Variants in MAML2 observed in about 807,000 individuals in gnomAD.
The protein encoded by MAML2 is mastermind-like protein 2.
A neutral mutation model predicts 96.1 loss-of-function variants in MAML2; 22 were observed. That is an observed-to-expected ratio of 0.23 (90% CI 0.16 to 0.33). MAML2 has a LOEUF of 0.33. Ranked by LOEUF, MAML2 falls within the 10% of genes least tolerant of loss-of-function variation. The probability of loss-of-function intolerance (pLI) is 1.00; values close to 1 mark genes in which losing one functional copy is unlikely to be tolerated. For missense variants in MAML2, 1,367 were observed against 1,392.4 expected, an observed-to-expected ratio of 0.98 and a Z score of 0.29; for synonymous variants, 561 against 521.3, an observed-to-expected ratio of 1.08 and a Z score of -1.04.
In MAML2 at chr11:96,342,635, C is replaced by A. The variant is rs759457788; in HGVS notation, c.-740G>T. Reference sequence around the variant, plus strand: ...GTCTTCTCCCAAAAGAGGGAGACAGCTTTTCAACTGTTAACAATGTCAGTA... The same window carrying A: ...GTCTTCTCCCAAAAGAGGGAGACAGATTTTCAACTGTTAACAATGTCAGTA... On this transcript the variant is annotated 5_prime_UTR_variant, in exon 1 of 5. Transcript: ENST00000524717. The A allele has an allele frequency of 1.2e-4, 48 of 387,190 alleles. No individual in the cohort carries two copies. Among genetic ancestry groups the A allele is most frequent in the Non-Finnish European group, 2.0e-4 (44 of 219,504 alleles). 24.0% of individuals were successfully genotyped at this position (387,190 alleles called of 1,614,324 possible). A position where few individuals can be genotyped will look rare whatever the true frequency, so the allele number is the denominator to read the frequency against.
In MAML2 at chr11:95,984,574, G is replaced by A. The variant is rs958380279; in HGVS notation, c.2455+957C>T. On this transcript the variant is annotated intron_variant, in intron 4 of 4. Coordinates refer to ENST00000524717, the MANE Select transcript of MAML2 (RefSeq NM_032427.4). ...AATAGCTGGGACTACAGGCACGTGC[G>A]ACTGAGCCCAGCTCCATTCTCAATT... Among the ~76,000 whole-genome samples, 8 of 152,140 alleles carry A rather than the reference G, an allele frequency of 5.3e-5. No homozygotes were observed. In the East Asian group the frequency reaches 9.6e-4, roughly 18 times the overall value.
chr11:96,128,047 G>A (rs1860479668), intron 1 of MAML2, among the ~76,000 whole-genome samples: 1 of 152,146 alleles, frequency 6.6e-6, no homozygotes, highest in Admixed American at 6.5e-5. Context: ...GATTCAGCAG[G>A]TACAGGATGC....
Position 96,092,877 on chromosome 11 carries a change from G to A in MAML2, c.1154C>T (p.Pro385Leu), listed in dbSNP as rs200175200. The stretch of plus-strand genomic sequence containing the variant: ...CATGGAGAATGCGGGGCCAGCTGAT[G>A]GGGGCCTCAGCTGAGGAGAGCCTGA... ...GPSGSPQLRPPSAGPAFSMAN... is the reference protein window; with the variant it reads ...GPSGSPQLRPLSAGPAFSMAN... The change falls in exon 2 of 5, where the codon CCA (proline) becomes CTA (leucine). Residue 385 changes from proline to leucine, a missense_variant. Coordinates refer to ENST00000524717, the MANE Select transcript of MAML2 (RefSeq NM_032427.4). This position sits in a 1 kb window ranked among gnomAD's most constrained non-coding sequence, Gnocchi z 4.1. 1.5e-4 allele frequency: 236 copies of A among 1,605,448 alleles called. No individual in the cohort carries two copies. The highest frequency in any genetic ancestry group is 4.5e-5 in the South Asian group (4 of 89,392).
At chr11:96,263,040 T>A (rs1349807907) in intron 1 of MAML2, among the ~76,000 whole-genome samples, 2 of 152,240 alleles carry the variant, frequency 1.3e-5, no homozygotes, top group Non-Finnish European at 2.9e-5. Flanking sequence ...GTTCAGGAAT[T>A]TCTACTCCAG....
intron 2 of MAML2, among the ~76,000 whole-genome samples, chr11:96,030,700 C>T (rs1858599382): frequency 6.6e-6 from 1 of 152,104 alleles, no homozygotes; most frequent in Non-Finnish European, 1.5e-5. Context: ...TGACCCAGTT[C>T]CAGAGGAAGG....
intron 2 of MAML2, among the ~76,000 whole-genome samples, chr11:96,075,894 T>C (rs893681590): frequency 6.6e-6 from 1 of 152,248 alleles, no homozygotes; most frequent in African/African-American, 2.4e-5. Flanking sequence ...ATATTGATTG[T>C]ATGCTAATAC....
chr11:96,145,970 C>G (rs1217597361), intron 1 of MAML2, among the ~76,000 whole-genome samples: 3 of 152,086 alleles, frequency 2.0e-5, no homozygotes, highest in African/African-American at 7.2e-5. Flanking sequence ...GATCATGCCA[C>G]CTCACTCCAG....
intron 1 of MAML2, among the ~76,000 whole-genome samples, chr11:96,171,254 C>T (rs536568384): frequency 1.3e-3 from 193 of 152,154 alleles, no homozygotes; most frequent in East Asian, 3.1e-3. Flanking sequence ...TCATTGTCTG[C>T]GATTATTATC....
chr11:96,039,829 G>T (rs1296304981), intron 2 of MAML2, among the ~76,000 whole-genome samples: 2 of 151,712 alleles, frequency 1.3e-5, no homozygotes, highest in Admixed American at 1.3e-4. Context: ...GTAGTGGCGG[G>T]TGCCTGTAGT....
At chr11:96,030,089 C>G (rs934315761) in intron 2 of MAML2, among the ~76,000 whole-genome samples, 1 of 151,906 alleles carries the variant, frequency 6.6e-6, no homozygotes, top group African/African-American at 2.4e-5. Context: ...AAAAATTAGC[C>G]GGGCGTGGTA....
chr11:96,026,931 G>A (rs1391986853), intron 2 of MAML2, among the ~76,000 whole-genome samples: 1 of 151,724 alleles, frequency 6.6e-6, no homozygotes, highest in Non-Finnish European at 1.5e-5. Context: ...TCACTATATT[G>A]CTAACACCTA....
intron 1 of MAML2, among the ~76,000 whole-genome samples, chr11:96,291,293 T>G (rs1863206544): frequency 6.6e-6 from 1 of 151,804 alleles, no homozygotes; most frequent in Non-Finnish European, 1.5e-5. Context: ...ACCCGGCTAA[T>G]TTTTGTATTT....
chr11:96,080,097 A>C (rs1278033510), intron 2 of MAML2, among the ~76,000 whole-genome samples: 2 of 152,224 alleles, frequency 1.3e-5, no homozygotes, highest in Non-Finnish European at 2.9e-5. Context: ...CTCAGCAGTA[A>C]ATACTATTTA....
intron 1 of MAML2, among the ~76,000 whole-genome samples, chr11:96,250,962 T>C (rs1442098258): frequency 6.6e-6 from 1 of 152,150 alleles, no homozygotes; most frequent in African/African-American, 2.4e-5. Context: ...AAGTATCCCT[T>C]AGGACATTGG....
intron 1 of MAML2, among the ~76,000 whole-genome samples, chr11:96,158,238 G>A (rs973141077): frequency 1.3e-5 from 2 of 152,198 alleles, no homozygotes; most frequent in African/African-American, 4.8e-5. Context: ...AGATGAAAGA[G>A]TCCTAATTCT....
At chr11:96,330,056 G>A (rs998764559) in intron 1 of MAML2, among the ~76,000 whole-genome samples, 1 of 152,164 alleles carries the variant, frequency 6.6e-6, no homozygotes, top group Non-Finnish European at 1.5e-5. Flanking sequence ...TATTTTAAGG[G>A]TAGACTACTG....
intron 1 of MAML2, among the ~76,000 whole-genome samples, chr11:96,219,035 G>A (rs566880247): frequency 2.0e-5 from 3 of 152,286 alleles, no homozygotes; most frequent in East Asian, 3.9e-4. Flanking sequence ...TGCAAAAGTG[G>A]AGACTGTCCC....
At chr11:96,267,446 G>GAAAAAC (rs1269867365) in intron 1 of MAML2, among the ~76,000 whole-genome samples, 1 of 152,094 alleles carries the variant, frequency 6.6e-6, no homozygotes, top group Non-Finnish European at 1.5e-5. Flanking sequence ...AAAGCATCAG[G>GAAAAAC]AAAAACAAAA....
chr11:96,222,587 A>C (rs1333555135), intron 1 of MAML2, among the ~76,000 whole-genome samples: 2 of 152,208 alleles, frequency 1.3e-5, no homozygotes, highest in Non-Finnish European at 1.5e-5. Context: ...GGATAATGAG[A>C]TATCATTTCC....
Sources: allele counts gnomAD v4.1 joint callset (sites outside exome capture counted in the v4.1 genomes callset), GRCh38; gene constraint gnomAD v4.1.1; non-coding constraint Gnocchi (gnomAD v3.1); transcripts MANE v1.5; gene names NCBI Gene and HGNC (gene_info 2026-07-23, HGNC 2026-07-21).